Variants in SEMA3E observed in about 807,000 individuals in gnomAD.
SEMA3E encodes the protein semaphorin-3E.
Under a neutral mutation model 93.6 loss-of-function variants are expected in SEMA3E, and 49 were observed. The observed-to-expected ratio is 0.52, with a 90% CI of 0.42 to 0.66. SEMA3E has a LOEUF of 0.66. Among genes scored for constraint, SEMA3E ranks in the 30% least tolerant of loss-of-function variants. The probability of loss-of-function intolerance (pLI) is 0.00; values close to 1 mark genes in which losing one functional copy is unlikely to be tolerated. For synonymous variants in SEMA3E, 363 were observed against 330.7 expected, an observed-to-expected ratio of 1.10 and a Z score of -1.06; for missense variants, 906 against 964.8, an observed-to-expected ratio of 0.94 and a Z score of 0.81.
chr7:83,621,081 T>C (rs1385165591), intron 1 of SEMA3E, among the ~76,000 whole-genome samples: 2 of 152,132 alleles, frequency 1.3e-5, no homozygotes, highest in African/African-American at 4.8e-5. Context: ...GACATGATTC[T>C]ATATCTAGAC....
intron 1 of SEMA3E, among the ~76,000 whole-genome samples, chr7:83,525,484 C>T (rs1250120782): frequency 6.6e-6 from 1 of 152,030 alleles, no homozygotes; most frequent in Middle Eastern, 3.4e-3. Flanking sequence ...TTCTGCAATG[C>T]TTATTTTTTG....
chr7:83,464,277 G>A (rs1262978094), intron 4 of SEMA3E, among the ~76,000 whole-genome samples: 8 of 151,430 alleles, frequency 5.3e-5, no homozygotes, highest in Non-Finnish European at 1.0e-4. Context: ...GCCTGTCCTC[G>A]GAATGCTACA....
At chr7:83,527,666 G>A (rs1354585719) in intron 1 of SEMA3E, among the ~76,000 whole-genome samples, 1 of 152,036 alleles carries the variant, frequency 6.6e-6, no homozygotes, top group African/African-American at 2.4e-5. Flanking sequence ...CCTTGAGATT[G>A]GCAATTTTCA....
In SEMA3E at chr7:83,469,310, A is replaced by G. The variant is rs1205512780; in HGVS notation, c.277-8T>C. ...TGTACTCGGCCAGTGTATCTAAAAT[A>G]AAAGATAATGTACTATTATGACAAC... On this transcript the variant is annotated splice_polypyrimidine_tract_variant and splice_region_variant and intron_variant, in intron 2 of 16. Transcript: ENST00000643230. The G allele has an allele frequency of 6.3e-7, 1 of 1,597,040 alleles. No homozygotes were observed. The highest frequency in any genetic ancestry group is 2.2e-5 in the East Asian group (1 of 44,674).
Position 83,368,209 on chromosome 7 carries a change from CTG to C in SEMA3E, c.1876-173_1876-172del, listed in dbSNP as rs1336086971. On this transcript the variant is annotated intron_variant, in intron 16 of 16. Transcript: ENST00000643230. ...AATAATTACATCTCTCTCTCTCTCT[CTG>C]TGTGTGTGTGTGTGTGTGTGTGTGT... Among the ~76,000 whole-genome samples, 1,979 of 59,042 alleles carry C rather than the reference CTG, an allele frequency of 0.034. 44 individuals are homozygous for C. The highest frequency in any genetic ancestry group is 0.08 in the African/African-American group (1,885 of 23,488). The allele number at this position is 59,042 out of a possible 152,430, so 38.7% of individuals were successfully genotyped here. A position where few individuals can be genotyped will look rare whatever the true frequency, so the allele number is the denominator to read the frequency against.
chr7:83,391,289 C>T (rs1391952004), intron 14 of SEMA3E, among the ~76,000 whole-genome samples: 1 of 152,090 alleles, frequency 6.6e-6, no homozygotes, highest in Non-Finnish European at 1.5e-5. Flanking sequence ...AGTAAGTGCT[C>T]AACAGCAAGC....
At chr7:83,635,499 T>C (rs2115687939) in intron 1 of SEMA3E, among the ~76,000 whole-genome samples, 1 of 152,008 alleles carries the variant, frequency 6.6e-6, no homozygotes, top group Non-Finnish European at 1.5e-5. Context: ...GACATTTCTA[T>C]TTATGCCCAT....
chr7:83,367,981 G>T lies in SEMA3E; in HGVS notation c.1933C>A (p.His645Asn), dbSNP rs748190137. 4 of 1,613,928 alleles carry T rather than the reference G, an allele frequency of 2.5e-6. No individual in the cohort carries two copies. Among genetic ancestry groups the T allele is most frequent in the Non-Finnish European group, 3.4e-6 (4 of 1,179,950 alleles). Residue 645 changes from histidine (H) to asparagine (N), a missense_variant, in exon 17 of 17, where the codon CAC (histidine) becomes AAC (asparagine). By Grantham distance (68) the His-to-Asn change is moderately conservative. Transcript: ENST00000643230. The stretch of plus-strand genomic sequence containing the variant: ...AAATAGGTCCCAGCATCTGATTTGT[G>T]TAACCTTAGGAAGAGTAAACCAAGG... ...MDLGLLFLRL[H>N]KSDAGTYFCQ...
intron 1 of SEMA3E, among the ~76,000 whole-genome samples, chr7:83,611,612 C>T (rs1793268943): frequency 6.6e-6 from 1 of 151,512 alleles, no homozygotes; most frequent in Non-Finnish European, 1.5e-5. Context: ...ATCCTTGGTA[C>T]CTCTCTACCT....
chr7:83,374,935 A>C (rs1328813092), intron 16 of SEMA3E, among the ~76,000 whole-genome samples: 4 of 152,158 alleles, frequency 2.6e-5, no homozygotes, highest in African/African-American at 9.6e-5. Flanking sequence ...AAGTGAAAAA[A>C]AACAAGAGCC....
intron 4 of SEMA3E, among the ~76,000 whole-genome samples, chr7:83,457,665 C>T (rs897927041): frequency 1.3e-5 from 2 of 152,230 alleles, no homozygotes; most frequent in Middle Eastern, 3.4e-3. Flanking sequence ...CCTTAAATTT[C>T]TCTGCTTTTC....
intron 1 of SEMA3E, among the ~76,000 whole-genome samples, chr7:83,552,300 TCTTTA>T (rs1244104740): frequency 6.6e-6 from 1 of 152,210 alleles, no homozygotes; most frequent in East Asian, 1.9e-4. Context: ...CTTATGCCTG[TCTTTA>T]CTTTTATCTC....
intron 4 of SEMA3E, among the ~76,000 whole-genome samples, chr7:83,452,734 G>A (rs1397005698): frequency 6.6e-6 from 1 of 152,144 alleles, no homozygotes; most frequent in East Asian, 1.9e-4. Flanking sequence ...TGACAGGAGA[G>A]GAAGGCCAGA....
intron 2 of SEMA3E, among the ~76,000 whole-genome samples, chr7:83,473,633 T>A (rs1789948445): frequency 6.6e-6 from 1 of 152,242 alleles, no homozygotes; most frequent in Admixed American, 6.5e-5. Flanking sequence ...AAAAATATGA[T>A]GAAATGCAAC....
intron 4 of SEMA3E, among the ~76,000 whole-genome samples, chr7:83,448,660 C>G (rs1435712519): frequency 6.6e-6 from 1 of 152,166 alleles, no homozygotes; most frequent in East Asian, 1.9e-4. Context: ...AAAATTTCTT[C>G]AGATCCTTTA....
rs1279030927 is a variant in SEMA3E, at chr7:83,557,062, T to C, written c.116-66788A>G. Among the ~76,000 whole-genome samples, 3 of 152,194 alleles carry C rather than the reference T, an allele frequency of 2.0e-5. No individual in the cohort carries two copies. The East Asian group carries it at 5.8e-4, about 29-fold the overall frequency. On this transcript the variant is annotated intron_variant, in intron 1 of 16. Transcript: ENST00000643230. ...AATTACCCAGTCTCAGGTATTTTGT[T>C]ATAGCAGCATAAACCAATTAAGACA... is the stretch of plus-strand genomic sequence containing the variant.
chr7:83,588,193 C>A (rs1433377080), intron 1 of SEMA3E, among the ~76,000 whole-genome samples: 1 of 151,998 alleles, frequency 6.6e-6, no homozygotes, highest in Admixed American at 6.6e-5. Flanking sequence ...ACCATCCTTG[C>A]CAACATGGTG....
At chr7:83,463,010 T>TA (rs1789662271) in intron 4 of SEMA3E, among the ~76,000 whole-genome samples, 4 of 139,556 alleles carry the variant, frequency 2.9e-5, no homozygotes, top group Admixed American at 2.3e-4. Context: ...GCAAATTACC[T>TA]AGGCTGTACT....
chr7:83,402,347 T>G (rs577609475), intron 10 of SEMA3E, among the ~76,000 whole-genome samples: 1 of 152,080 alleles, frequency 6.6e-6, no homozygotes, highest in South Asian at 2.1e-4. Context: ...CCAGTACTTT[T>G]AAAAATAAAA....
Sources: gnomAD v4.1 joint callset for allele counts (sites outside exome capture counted in the v4.1 genomes callset) on GRCh38, gnomAD v4.1.1 for gene constraint, MANE v1.5 for transcripts, NCBI Gene and HGNC (gene_info 2026-07-23, HGNC 2026-07-21) for gene names.